COL21A1: variants seen among roughly 807,000 people sequenced by gnomAD.
COL21A1 encodes collagen type XXI alpha 1 chain.
A neutral mutation model predicts 137.9 loss-of-function variants in COL21A1; 149 were observed. The ratio of observed to expected loss-of-function variants is 1.08; its 90% CI spans 0.95 to 1.24. The LOEUF (loss-of-function observed/expected upper bound fraction) is 1.24. Among genes scored for constraint, COL21A1 ranks in the 50% most tolerant of loss-of-function variants. COL21A1 has a pLI of 0.00. For synonymous variants in COL21A1, 456 were observed against 391.5 expected, an observed-to-expected ratio of 1.16 and a Z score of -1.95; for missense variants, 1,167 against 1,158.4, an observed-to-expected ratio of 1.01 and a Z score of -0.11.
chr6:56,340,123 G>A (rs890202419), intron 1 of COL21A1, among the ~76,000 whole-genome samples: 1 of 152,144 alleles, frequency 6.6e-6, no homozygotes, highest in Non-Finnish European at 1.5e-5. Flanking sequence ...TTTCTTTAGA[G>A]ATACATTGTT....
At chr6:56,268,061 T>C (rs1160427685) in intron 1 of COL21A1, among the ~76,000 whole-genome samples, 1 of 152,096 alleles carries the variant, frequency 6.6e-6, no homozygotes, top group Non-Finnish European at 1.5e-5. Context: ...CCAGAGGCCG[T>C]TCCCAGTATC....
intron 17 of COL21A1, chr6:56,091,607 T>C (rs1485918805): frequency 6.6e-6 from 1 of 152,584 alleles, no homozygotes; most frequent in African/African-American, 2.4e-5. Flanking sequence ...CTGTGAGCCA[T>C]AAGGCTCCCT....
chr6:56,291,967 G>A (rs1054072080), intron 1 of COL21A1, among the ~76,000 whole-genome samples: 3 of 152,170 alleles, frequency 2.0e-5, no homozygotes, highest in South Asian at 2.1e-4. Flanking sequence ...TTAGGAGTTC[G>A]AGACCAGCCT....
intron 29 of COL21A1, 121 bp from the exon 30 acceptor site, chr6:56,057,965 A>G: frequency 1.5e-6 from 1 of 651,464 alleles, no homozygotes; most frequent in South Asian, 2.7e-5. Context: ...TATTTGCACT[A>G]ATTATATAGT....
At chr6:56,329,203 C>T (rs1374082175) in intron 1 of COL21A1, among the ~76,000 whole-genome samples, 1 of 152,100 alleles carries the variant, frequency 6.6e-6, no homozygotes, top group Non-Finnish European at 1.5e-5. Flanking sequence ...CATGTGTCTA[C>T]TGCCATGTCA....
chr6:56,235,631 G>T (rs1562012085), intron 1 of COL21A1, among the ~76,000 whole-genome samples: 1 of 151,856 alleles, frequency 6.6e-6, no homozygotes, highest in African/African-American at 2.4e-5. Context: ...CTATTTAAAT[G>T]GCCCCCTAAT....
At chr6:56,123,587 G>A (rs1772739927) in intron 16 of COL21A1, among the ~76,000 whole-genome samples, 1 of 152,142 alleles carries the variant, frequency 6.6e-6, no homozygotes, top group South Asian at 2.1e-4. Flanking sequence ...TTAAGAATAT[G>A]ATGGTGCTAA....
chr6:56,265,499 G>A (rs774114178), intron 1 of COL21A1, among the ~76,000 whole-genome samples: 15 of 152,154 alleles, frequency 9.9e-5, no homozygotes, highest in Non-Finnish European at 2.1e-4. Flanking sequence ...TGATTCAAGG[G>A]CAGACAATGA....
intron 1 of COL21A1, among the ~76,000 whole-genome samples, chr6:56,192,440 C>A (rs1778749386): frequency 6.6e-6 from 1 of 151,750 alleles, no homozygotes; most frequent in Non-Finnish European, 1.5e-5. Flanking sequence ...ATCTATCCAA[C>A]TGACAAAGGG....
intron 18 of COL21A1, 121 bp downstream of exon 18, chr6:56,077,407 TA>T: frequency 1.4e-6 from 1 of 694,838 alleles, no homozygotes; most frequent in Non-Finnish European, 2.4e-6. Context: ...CAACGTCTTC[TA>T]AAATTATATA....
Position 56,121,568 on chromosome 6 carries a change from A to ATATATG in COL21A1, c.1758+2488_1758+2493dup, listed in dbSNP as rs1327592718. 2.7e-5 allele frequency among the ~76,000 whole-genome samples: 4 copies of ATATATG among 147,320 alleles called. No homozygotes were observed. In the East Asian group the frequency reaches 5.9e-4, roughly 22 times the overall value. On this transcript the variant is annotated intron_variant, in intron 16 of 29. Transcript: ENST00000244728. ...TATTCATATGTATATGTGTATATATATATATGTATATGTATATATATACAT... is the reference window on the plus strand; with the variant it reads ...TATTCATATGTATATGTGTATATATATATATGTATATGTATATGTATATATATACAT...
chr6:56,200,286 A>G (rs1056588843), intron 1 of COL21A1, among the ~76,000 whole-genome samples: 5 of 152,072 alleles, frequency 3.3e-5, no homozygotes. Flanking sequence ...GGTTTTAAGC[A>G]TGGGTGCATC....
chr6:56,182,729 G>GA lies in COL21A1; in HGVS notation c.-38-74dup. ...TCTAGCCATTATACATTTACATTTTGAAACAAGAGCCAATTGAAGTACAGC... is the reference window on the plus strand; with the variant it reads ...TCTAGCCATTATACATTTACATTTTGAAAACAAGAGCCAATTGAAGTACAGC... On this transcript the variant is annotated intron_variant, in intron 1 of 29. Transcript: ENST00000244728. 1.0e-5 allele frequency: 7 copies of GA among 675,670 alleles called. No individual in the cohort carries two copies. In the South Asian group the frequency reaches 1.4e-4, roughly 13 times the overall value. The allele number at this position is 675,670 out of a possible 1,614,324, so 41.9% of individuals were successfully genotyped here.
intron 1 of COL21A1, among the ~76,000 whole-genome samples, chr6:56,231,367 A>C (rs796361225): frequency 1.3e-5 from 2 of 152,020 alleles, no homozygotes; most frequent in African/African-American, 4.8e-5. Context: ...CTTTTTTAAA[A>C]GTGATGAGTC....
chr6:56,070,777 T>C lies in COL21A1; in HGVS notation c.1987A>G (p.Ile663Val). ...CCAGAAGCCCCAGGCATCCCTTGAATTCCAGGTTCACCTTTGCTTCCCTGT... is the reference window on the plus strand; with the variant it reads ...CCAGAAGCCCCAGGCATCCCTTGAACTCCAGGTTCACCTTTGCTTCCCTGT... ...GSKGSKGEPG[I>V]QGMPGASGLK... Residue 663 changes from isoleucine to valine, a missense_variant, in exon 21 of 30, where the codon ATT becomes GTT. Ile to Val is a conservative substitution (Grantham distance 29). Coordinates refer to ENST00000244728, the MANE Select transcript of COL21A1 (RefSeq NM_030820.4). 1 of 1,592,194 alleles carries C rather than the reference T, an allele frequency of 6.3e-7. No homozygotes were observed. Among genetic ancestry groups the C allele is most frequent in the Non-Finnish European group, 8.5e-7 (1 of 1,173,138 alleles).
At chr6:56,343,842 G>T (rs1255989493) in intron 1 of COL21A1, among the ~76,000 whole-genome samples, 1 of 152,112 alleles carries the variant, frequency 6.6e-6, no homozygotes, top group South Asian at 2.1e-4. Context: ...ACTCGATGGT[G>T]GGGGAGCTGA....
intron 1 of COL21A1, among the ~76,000 whole-genome samples, chr6:56,220,281 G>A (rs919375808): frequency 6.6e-6 from 1 of 152,112 alleles, no homozygotes; most frequent in South Asian, 2.1e-4. Context: ...GATGTACAAA[G>A]AATTCTGGTG....
At chr6:56,208,287 CA>C (rs1219027014) in intron 1 of COL21A1, among the ~76,000 whole-genome samples, 2 of 152,196 alleles carry the variant, frequency 1.3e-5, no homozygotes, top group African/African-American at 4.8e-5. Flanking sequence ...CCCATTGTCT[CA>C]GCCCAAAATC....
intron 1 of COL21A1, among the ~76,000 whole-genome samples, chr6:56,183,716 G>C (rs760534188): frequency 6.6e-6 from 1 of 152,092 alleles, no homozygotes; most frequent in Non-Finnish European, 1.5e-5. Flanking sequence ...AACACCATAA[G>C]CAGATCCAAA....
Sources: allele counts gnomAD v4.1 joint callset (sites outside exome capture counted in the v4.1 genomes callset), GRCh38; gene constraint gnomAD v4.1.1; transcripts MANE v1.5; gene names NCBI Gene and HGNC (gene_info 2026-07-23, HGNC 2026-07-21).